The following PSD3 variants were observed in gnomAD, a reference collection of about 807,000 sequenced individuals.
PSD3 encodes pleckstrin and Sec7 domain containing 3, also known as PH and SEC7 domain-containing protein 3.
In PSD3, 49 loss-of-function variants were observed where a neutral mutation model predicts 105.5. The observed-to-expected ratio is 0.46, with a 90% CI of 0.37 to 0.59. The LOEUF is 0.59. PSD3 is among the 20% of genes least tolerant of loss of function. PSD3 has a pLI of 0.00. For missense variants in PSD3, 1,561 were observed against 1,263.8 expected (o/e 1.24, Z -3.57); for synonymous variants, 557 against 457.8 (o/e 1.22, Z -2.77).
At chr8:18,560,411 A>G (rs1255081215) in intron 14 of PSD3, among the ~76,000 whole-genome samples, 4 of 152,182 alleles carry the variant, frequency 2.6e-5, no homozygotes, top group African/African-American at 9.7e-5. Flanking sequence ...TTAGGGATGC[A>G]TACATACTGT....
At chr8:18,996,391 T>G (rs938132520) in intron 1 of PSD3, among the ~76,000 whole-genome samples, 2 of 151,932 alleles carry the variant, frequency 1.3e-5, no homozygotes, top group East Asian at 1.9e-4. Context: ...TTGAACAAGA[T>G]GAGCAGACAC....
At chr8:18,716,893 A>T (rs1300547623) in intron 9 of PSD3, among the ~76,000 whole-genome samples, 1 of 152,232 alleles carries the variant, frequency 6.6e-6, no homozygotes, top group Non-Finnish European at 1.5e-5. Context: ...ATGTGTGAGC[A>T]TGATCATCTC....
At chr8:19,038,096 G>A (rs956677645) in intron 1 of PSD3, among the ~76,000 whole-genome samples, 6 of 152,010 alleles carry the variant, frequency 3.9e-5, no homozygotes, top group Admixed American at 1.3e-4. Flanking sequence ...GCCCTGTGCA[G>A]TGCTTATCAA....
At chr8:18,579,165 T>A (rs958016485) in intron 12 of PSD3, among the ~76,000 whole-genome samples, 3 of 144,602 alleles carry the variant, frequency 2.1e-5, no homozygotes, top group East Asian at 2.0e-4. Context: ...AGTGGAAACA[T>A]TAGGGTTGAC....
intron 9 of PSD3, among the ~76,000 whole-genome samples, chr8:18,661,509 T>C (rs953833945): frequency 6.6e-6 from 1 of 152,232 alleles, no homozygotes; most frequent in Non-Finnish European, 1.5e-5. Context: ...TACTTTGCAA[T>C]GGTCTTCAAC....
At chr8:19,000,834 GCTATGTAACAGC>G (rs1826336067) in intron 1 of PSD3, 1 of 151,882 alleles carries the variant, frequency 6.6e-6, no homozygotes, top group African/African-American at 2.4e-5. Flanking sequence ...CCTGTACTTA[GCTATGTAACAGC>G]CTATGGGGTT....
chr8:18,850,499 G>A (rs1308661859), intron 4 of PSD3, among the ~76,000 whole-genome samples: 1 of 152,166 alleles, frequency 6.6e-6, no homozygotes, highest in Non-Finnish European at 1.5e-5. Flanking sequence ...TCACCCTTAA[G>A]AGATTTTCAT....
At chr8:18,751,318 G>T (rs570738982) in intron 9 of PSD3, among the ~76,000 whole-genome samples, 1 of 152,168 alleles carries the variant, frequency 6.6e-6, no homozygotes, top group Non-Finnish European at 1.5e-5. Flanking sequence ...ATCCTTACAA[G>T]ATCACCCTGT....
intron 9 of PSD3, among the ~76,000 whole-genome samples, chr8:18,714,831 G>C (rs955119801): frequency 1.3e-5 from 2 of 152,192 alleles, no homozygotes; most frequent in Non-Finnish European, 2.9e-5. Context: ...ACATGCACGT[G>C]TATGTTCACT....
chr8:18,764,508 G>C (rs532081276), intron 9 of PSD3, among the ~76,000 whole-genome samples: 1 of 151,914 alleles, frequency 6.6e-6, no homozygotes, highest in East Asian at 1.9e-4. Context: ...TAAGAATGTC[G>C]TAATACCACA....
At chr8:19,014,704 G>A (rs896273423), upstream of PSD3, among the ~76,000 whole-genome samples, 1 of 152,196 alleles carries the variant, frequency 6.6e-6, no homozygotes, top group Non-Finnish European at 1.5e-5. The surrounding 1 kb of genome is among the most constrained non-coding windows in gnomAD (Gnocchi z 4.9). Context: ...AGAAGTGACT[G>A]ACTTGGCCAA....
At chr8:18,540,969 AGCTCTTCTTCCAAAAG>A (rs1181206425) in intron 15 of PSD3, among the ~76,000 whole-genome samples, 1 of 151,922 alleles carries the variant, frequency 6.6e-6, no homozygotes, top group Non-Finnish European at 1.5e-5. Context: ...CTGTCCAAAA[AGCTCTTCTTCCAAAAG>A]CCCACAGGAC....
chr8:18,615,303 G>C (rs1171553119), intron 11 of PSD3, among the ~76,000 whole-genome samples: 2 of 152,004 alleles, frequency 1.3e-5, no homozygotes, highest in Non-Finnish European at 2.9e-5. Flanking sequence ...CACTCACCCA[G>C]TGACTCTCTT....
chr8:18,930,928 G>A lies in PSD3; in HGVS notation c.130+5106C>T, dbSNP rs547040433. ...CCTGCCACCAGTGTGTACGAGCTCA[G>A]TAGCTCCACTTTCTTACCAATCACA... On this transcript the variant is annotated intron_variant, in intron 2 of 15. Transcript: ENST00000327040. Among the ~76,000 whole-genome samples the A allele has an allele frequency of 3.3e-5, 5 of 152,252 alleles. 1 individual carries two copies. In the East Asian group the frequency reaches 9.7e-4, roughly 29 times the overall value.
At chr8:18,755,057 A>G (rs929900748) in intron 9 of PSD3, among the ~76,000 whole-genome samples, 2 of 152,112 alleles carry the variant, frequency 1.3e-5, no homozygotes, top group Non-Finnish European at 2.9e-5. Flanking sequence ...TGATGTGACC[A>G]GTTACATTCA....
chr8:18,847,097 T>C (rs950199883), intron 4 of PSD3, among the ~76,000 whole-genome samples: 1 of 152,170 alleles, frequency 6.6e-6, no homozygotes, highest in Non-Finnish European at 1.5e-5. Context: ...ACCTCTTACA[T>C]GCTGGTTTCA....
intron 1 of PSD3, among the ~76,000 whole-genome samples, chr8:18,938,901 C>T (rs1240395213): frequency 1.3e-5 from 2 of 152,156 alleles, no homozygotes; most frequent in Non-Finnish European, 2.9e-5. Context: ...TTGCGGATGA[C>T]TCCCAGGAAT....
chr8:19,074,602 TATATATA>T (rs1829390164), intron 1 of PSD3, among the ~76,000 whole-genome samples: 1 of 37,478 alleles, frequency 2.7e-5, no homozygotes, highest in Non-Finnish European at 5.3e-5. Flanking sequence ...CATATATATA[TATATATA>T]TATTTTTTTT....
chr8:18,608,205 G>C (rs999660864), intron 11 of PSD3, among the ~76,000 whole-genome samples: 6 of 152,166 alleles, frequency 3.9e-5, no homozygotes, highest in Non-Finnish European at 8.8e-5. Flanking sequence ...GGGTGACAAA[G>C]TGAGATCCTG....
Sources: allele counts gnomAD v4.1 joint callset (sites outside exome capture counted in the v4.1 genomes callset), GRCh38; gene constraint gnomAD v4.1.1; non-coding constraint Gnocchi (gnomAD v3.1); transcripts MANE v1.5; gene names NCBI Gene and HGNC (gene_info 2026-07-23, HGNC 2026-07-21).